TDP1: variants seen among roughly 807,000 people sequenced by gnomAD.
TDP1 encodes the protein tyrosyl-DNA phosphodiesterase 1.
Under a neutral mutation model 81.5 loss-of-function variants are expected in TDP1, and 64 were observed. The observed-to-expected ratio is 0.79, with a 90% CI of 0.64 to 0.97. The LOEUF (loss-of-function observed/expected upper bound fraction) is 0.97. Among genes scored for constraint, TDP1 ranks in the 50% least tolerant of loss-of-function variants. The pLI is 0.00. For synonymous variants in TDP1, 256 were observed against 264.3 expected (o/e 0.97, Z 0.30); for missense variants, 723 against 743.8 (o/e 0.97, Z 0.33).
rs571587724 is a variant in TDP1 at position 90,038,427 on chromosome 14, C to T, written c.1754-4643C>T. Among the ~76,000 whole-genome samples the T allele has an allele frequency of 1.6e-4, 24 of 152,316 alleles. No homozygotes were observed. In the South Asian group the frequency reaches 5.0e-3, roughly 32 times the overall value. The stretch of plus-strand genomic sequence containing the variant: ...TTTCAGATAGTAGCAGAATAAACTT[C>T]ACTAAACCTGTTAGAATTATTGCTA... On this transcript the variant is annotated intron_variant, in intron 16 of 16. Transcript: ENST00000335725.
Position 89,993,448 on chromosome 14 carries a change from A to G in TDP1, c.1506A>G (p.Pro502=). The change falls in exon 14 of 17, where the codon CCA becomes CCG. Residue 502 remains proline, a synonymous_variant. Coordinates refer to ENST00000335725, the MANE Select transcript of TDP1 (RefSeq NM_018319.4). Reference sequence around the variant, plus strand: ...TTAAGACATATATGAGGCCTTCTCCAGACTTCAGTAAAATTGCTTGGTTCC... The same window carrying G: ...TTAAGACATATATGAGGCCTTCTCCGGACTTCAGTAAAATTGCTTGGTTCC... ...PHIKTYMRPS[P]DFSKIAWFLV... 6.2e-7 allele frequency: 1 copy of G among 1,613,904 alleles called. No homozygotes were observed. The highest frequency in any genetic ancestry group is 8.5e-7 in the Non-Finnish European group (1 of 1,179,850).
At chr14:89,993,506 A>G (rs762187279) in intron 14 of TDP1, 23 bp downstream of exon 14, 1 of 1,610,512 alleles carries the variant, frequency 6.2e-7, no homozygotes, top group Non-Finnish European at 8.5e-7. Context: ...TACATTCCTG[A>G]TGGGAGAAAT....
At chr14:89,962,866 CCT>C (rs1420033575) in intron 2 of TDP1, 1 of 962,846 alleles carries the variant, frequency 1.0e-6, no homozygotes. Context: ...AGAGCGAGAC[CCT>C]GTTTCAAAAA....
chr14:90,027,555 G>C (rs953242953), intron 15 of TDP1, among the ~76,000 whole-genome samples: 20 of 152,134 alleles, frequency 1.3e-4, no homozygotes, highest in Admixed American at 3.9e-4. Context: ...GTGATCCTGG[G>C]ATCTACTGCT....
At chr14:90,010,654 G>A (rs1197563664) in intron 14 of TDP1, among the ~76,000 whole-genome samples, 1 of 152,152 alleles carries the variant, frequency 6.6e-6, no homozygotes, top group African/African-American at 2.4e-5. Context: ...ACATTCCAAG[G>A]GGAATGCAGA....
chr14:89,989,067 A>C lies in TDP1; in HGVS notation c.1294A>C (p.Lys432Gln), dbSNP rs202147730. 1.9e-5 allele frequency: 31 copies of C among 1,614,110 alleles called. No homozygotes were observed. In the East Asian group the frequency reaches 6.0e-4, roughly 31 times the overall value. The change falls in exon 11 of 17, where the codon AAA becomes CAA. Residue 432 changes from lysine to glutamine, a missense_variant. Physicochemically the swap from Lys to Gln is moderately conservative, Grantham distance 53. Coordinates refer to ENST00000335725, the MANE Select transcript of TDP1 (RefSeq NM_018319.4). ...GGGGAAGGAAAGCAAGACTCCAGGA[A>C]AAAGCTCTGTTCCTCTTTACTTGGT... Reference protein sequence around the residue: ...TLGKESKTPGKSSVPLYLIYP... With the variant: ...TLGKESKTPGQSSVPLYLIYP...
chr14:89,963,544 G>C lies in TDP1; in HGVS notation c.430G>C (p.Glu144Gln), dbSNP rs755051461. The C allele has an allele frequency of 1.1e-5, 18 of 1,609,940 alleles. No homozygotes were observed. Among genetic ancestry groups the C allele is most frequent in the Non-Finnish European group, 1.5e-5 (18 of 1,177,746 alleles). Residue 144 changes from glutamate (E) to glutamine (Q), a missense_variant, in exon 3 of 17, where the codon GAG becomes CAG. By Grantham distance (29) the Glu-to-Gln change is conservative. Coordinates refer to ENST00000335725, the MANE Select transcript of TDP1 (RefSeq NM_018319.4). Reference sequence around the variant, plus strand: ...CCACAGGCTCAAAGAGGAGGAAGACGAGTATGAGACATCAGGGGAGGGCCA... The same window carrying C: ...CCACAGGCTCAAAGAGGAGGAAGACCAGTATGAGACATCAGGGGAGGGCCA... ...ACHRLKEEED[E>Q]YETSGEGQDI...
chr14:89,971,876 A>G (rs1027460724), intron 6 of TDP1, among the ~76,000 whole-genome samples: 1 of 152,028 alleles, frequency 6.6e-6, no homozygotes, highest in African/African-American at 2.4e-5. Flanking sequence ...ATTAGCTGCC[A>G]TTGACACTTC....
intron 7 of TDP1, among the ~76,000 whole-genome samples, chr14:89,979,977 C>T (rs959112894): frequency 6.6e-6 from 1 of 152,170 alleles, no homozygotes; most frequent in African/African-American, 2.4e-5. Context: ...CAAAAAACCA[C>T]TAATGGTAAT....
chr14:90,044,447 G>A lies in TDP1; in HGVS notation c.*1304G>A, dbSNP rs1253922730. On this transcript the variant is annotated 3_prime_UTR_variant, in exon 17 of 17. Transcript: ENST00000335725. ...TCTGCATGAGGCTGATTTCCAGTTT[G>A]TCATCAACCTCTTTATCTTATAATT... 6.6e-6 allele frequency: 1 copy of A among 152,184 alleles called. No homozygotes were observed. Among genetic ancestry groups the A allele is most frequent in the African/African-American group, 2.4e-5 (1 of 41,436 alleles). 9.4% of individuals were successfully genotyped at this position (152,184 alleles called of 1,614,324 possible). A position where few individuals can be genotyped will look rare whatever the true frequency, so the allele number is the denominator to read the frequency against.
intron 8 of TDP1, among the ~76,000 whole-genome samples, chr14:89,982,096 C>G (rs906633587): frequency 3.9e-5 from 6 of 152,112 alleles, no homozygotes; most frequent in African/African-American, 1.2e-4. Context: ...GAAAGGGAGT[C>G]TTGTTTCTGA....
intron 12 of TDP1, chr14:89,991,542 A>G: frequency 3.0e-6 from 3 of 983,930 alleles, no homozygotes; most frequent in Non-Finnish European, 3.6e-6. Flanking sequence ...TCTTGCTCTG[A>G]ATGTTGAATG....
intron 8 of TDP1, among the ~76,000 whole-genome samples, chr14:89,983,965 T>C (rs1895283891): frequency 6.6e-6 from 1 of 152,250 alleles, no homozygotes; most frequent in Non-Finnish European, 1.5e-5. Context: ...CATAAAAATA[T>C]GCTGCTATAG....
At chr14:90,037,036 T>C (rs1011211644) in intron 16 of TDP1, among the ~76,000 whole-genome samples, 13 of 152,172 alleles carry the variant, frequency 8.5e-5, no homozygotes, top group Non-Finnish European at 2.9e-5. Context: ...GGTCTTGAAC[T>C]CCTGGGCTCA....
intron 12 of TDP1, chr14:89,991,462 C>A: frequency 1.4e-6 from 1 of 721,764 alleles, no homozygotes; most frequent in Non-Finnish European, 1.7e-6. Context: ...TACTTTTATT[C>A]TCGACACAGA....
At chr14:90,038,402 T>A (rs17126538) in intron 16 of TDP1, among the ~76,000 whole-genome samples, 29,526 of 152,216 alleles carry the variant, frequency 0.19, 6,885 homozygotes, top group African/African-American at 0.56. Context: ...AGCTCCCTAC[T>A]TTCAGATAGT....
chr14:90,019,316 C>G lies in TDP1; in HGVS notation c.1542C>G (p.Ser514Arg), dbSNP rs773576388. 6.3e-7 allele frequency: 1 copy of G among 1,599,330 alleles called. No homozygotes were observed. The highest frequency in any genetic ancestry group is 1.7e-5 in the Admixed American group (1 of 59,988). Residue 514 changes from serine (S) to arginine (R), a missense_variant and splice_region_variant, in exon 15 of 17, where the codon AGC becomes AGG. By Grantham distance (110) the Ser-to-Arg change is moderately radical. Transcript: ENST00000335725. ...FSKIAWFLVT[S>R]ANLSKAAWGA... ...CCTATCTGTGTCCTTGTCTCTGCAG[C>G]GCAAATCTGTCCAAGGCTGCCTGGG... is the stretch of plus-strand genomic sequence containing the variant.
At chr14:89,959,319 A>G (rs1258476760) in intron 2 of TDP1, among the ~76,000 whole-genome samples, 1 of 152,246 alleles carries the variant, frequency 6.6e-6, no homozygotes, top group Non-Finnish European at 1.5e-5. Flanking sequence ...TTAAAACTGT[A>G]TGACTTGATT....
At chr14:90,018,795 C>T (rs532723947) in intron 14 of TDP1, 1 of 174,354 alleles carries the variant, frequency 5.7e-6, no homozygotes, top group African/African-American at 2.4e-5. Context: ...AAACATCATT[C>T]TGAATGTACC....
Sources: gnomAD v4.1 joint callset for allele counts (sites outside exome capture counted in the v4.1 genomes callset) on GRCh38, gnomAD v4.1.1 for gene constraint, MANE v1.5 for transcripts, NCBI Gene and HGNC (gene_info 2026-07-23, HGNC 2026-07-21) for gene names.